Variants in ACBD6 observed in about 807,000 individuals in gnomAD.
The protein encoded by ACBD6 is acyl-CoA-binding domain-containing protein 6.
In ACBD6, 28 loss-of-function variants were observed where a neutral mutation model predicts 37.2. The ratio of observed to expected loss-of-function variants is 0.75; its 90% CI spans 0.56 to 1.03. The LOEUF (loss-of-function observed/expected upper bound fraction) is 1.03, where lower values mean the gene tolerates loss of function less well. Ranked by LOEUF, ACBD6 falls within the 50% of genes least tolerant of loss-of-function variation. The pLI, the probability that ACBD6 is intolerant of heterozygous loss-of-function variation, is 0.00. For missense variants in ACBD6, 340 were observed against 337.4 expected (o/e 1.01, Z -0.06); for synonymous variants, 113 against 126.8 (o/e 0.89, Z 0.73).
intron 6 of ACBD6, among the ~76,000 whole-genome samples, chr1:180,359,499 C>T (rs965763356): frequency 6.6e-6 from 1 of 151,798 alleles, no homozygotes; most frequent in Non-Finnish European, 1.5e-5. Flanking sequence ...ATATAAGATG[C>T]CTGTATTATT....
Position 180,442,330 on chromosome 1 carries a change from T to C in ACBD6, c.385-12068A>G, listed in dbSNP as rs137997797. Among the ~76,000 whole-genome samples, 1,319 of 152,212 alleles carry C rather than the reference T, an allele frequency of 8.7e-3. 15 individuals are homozygous for C. The highest frequency in any genetic ancestry group is 0.028 in the African/African-American group (1,169 of 41,516). On this transcript the variant is annotated intron_variant, in intron 3 of 7. Transcript: ENST00000367595. ...CCTCTCCATCCACAGATATTTGGCATGTCTGGGGCAATTTTTTAGCTGTCA... is the reference window on the plus strand; with the variant it reads ...CCTCTCCATCCACAGATATTTGGCACGTCTGGGGCAATTTTTTAGCTGTCA...
At chr1:180,401,865 T>C (rs546245280) in intron 5 of ACBD6, among the ~76,000 whole-genome samples, 1 of 151,972 alleles carries the variant, frequency 6.6e-6, no homozygotes, top group African/African-American at 2.4e-5. Context: ...AGTCTTGATG[T>C]TCTTATGATA....
At chr1:180,444,427 T>C (rs1649402433) in intron 3 of ACBD6, among the ~76,000 whole-genome samples, 1 of 151,370 alleles carries the variant, frequency 6.6e-6, no homozygotes, top group African/African-American at 2.5e-5. Context: ...CAAATACACA[T>C]GTTAGAATAC....
At chr1:180,371,719 A>G (rs1223901820) in intron 6 of ACBD6, among the ~76,000 whole-genome samples, 1 of 152,192 alleles carries the variant, frequency 6.6e-6, no homozygotes, top group Non-Finnish European at 1.5e-5. Context: ...AATGATTCAT[A>G]GAGAAGAAAA....
chr1:180,282,349 A>C (rs1370570551), intron 8 of ACBD6, among the ~76,000 whole-genome samples: 1 of 152,104 alleles, frequency 6.6e-6, no homozygotes, highest in Non-Finnish European at 1.5e-5. Context: ...TAAAATATAG[A>C]CCCAAAAAAG....
At chr1:180,470,236 CAA>C (rs1650506696) in intron 3 of ACBD6, among the ~76,000 whole-genome samples, 1 of 151,980 alleles carries the variant, frequency 6.6e-6, no homozygotes, top group African/African-American at 2.4e-5. Flanking sequence ...GACATAAAAT[CAA>C]AGACACCCAA....
At chr1:180,386,486 A>G (rs1653848262) in intron 6 of ACBD6, among the ~76,000 whole-genome samples, 1 of 152,062 alleles carries the variant, frequency 6.6e-6, no homozygotes, top group Non-Finnish European at 1.5e-5. Context: ...GGAAGTTTTC[A>G]GCCAGTAACT....
At chr1:180,385,729 C>A (rs563396657) in intron 6 of ACBD6, among the ~76,000 whole-genome samples, 1 of 152,156 alleles carries the variant, frequency 6.6e-6, no homozygotes, top group South Asian at 2.1e-4. Context: ...AGAGGCCTCA[C>A]CAGAAATCAA....
At chr1:180,333,417 G>C (rs1297075082) in intron 6 of ACBD6, among the ~76,000 whole-genome samples, 1 of 152,084 alleles carries the variant, frequency 6.6e-6, no homozygotes, top group Admixed American at 6.5e-5. Context: ...GTATGAAAAA[G>C]GCAAATAATG....
intron 3 of ACBD6, among the ~76,000 whole-genome samples, chr1:180,484,808 T>C (rs1571569892): frequency 1.3e-5 from 2 of 151,922 alleles, no homozygotes; most frequent in Non-Finnish European, 1.5e-5. Context: ...GCTCACACCT[T>C]TAATCCCAGC....
chr1:180,483,431 T>C (rs976039353), intron 3 of ACBD6, among the ~76,000 whole-genome samples: 2 of 152,148 alleles, frequency 1.3e-5, no homozygotes, highest in Non-Finnish European at 2.9e-5. Flanking sequence ...TTTACTATAA[T>C]ATTTACTTTA....
At chr1:180,290,754 C>T (rs1425628502) in intron 7 of ACBD6, among the ~76,000 whole-genome samples, 5 of 152,312 alleles carry the variant, frequency 3.3e-5, no homozygotes, top group African/African-American at 1.2e-4. Flanking sequence ...TGCGAAAATA[C>T]CACTAGGAGA....
At chr1:180,316,438 A>G (rs2764435) in intron 6 of ACBD6, among the ~76,000 whole-genome samples, 18,371 of 151,948 alleles carry the variant, frequency 0.12, 1,749 homozygotes, top group African/African-American at 0.27. Context: ...ATTTCAGAAA[A>G]AGCTTAATCT....
rs533726378 is a variant in ACBD6 at position 180,296,512 on chromosome 1, C to T, written c.695-7995G>A. ...TGTTGCGATCTTGGCTCCCTGCAAC[C>T]TTTGCCTCCTGGGCTCAAGCGATTC... On this transcript the variant is annotated intron_variant, in intron 7 of 7. Transcript: ENST00000367595. Among the ~76,000 whole-genome samples the T allele has an allele frequency of 7.9e-5, 12 of 152,268 alleles. No homozygotes were observed. The East Asian group carries it at 2.1e-3, about 27-fold the overall frequency.
intron 5 of ACBD6, among the ~76,000 whole-genome samples, chr1:180,403,063 CTGAA>C (rs1647445949): frequency 6.6e-6 from 1 of 152,080 alleles, no homozygotes; most frequent in East Asian, 1.9e-4. Flanking sequence ...AAACATTATG[CTGAA>C]TGAAAGATGC....
chr1:180,345,256 A>G (rs1441255893), intron 6 of ACBD6, among the ~76,000 whole-genome samples: 2 of 152,222 alleles, frequency 1.3e-5, no homozygotes, highest in Non-Finnish European at 2.9e-5. Context: ...GTGAATGACC[A>G]GAAGTAAAAA....
At chr1:180,284,916 C>T (rs1649430017), downstream of ACBD6, among the ~76,000 whole-genome samples, 1 of 152,042 alleles carries the variant, frequency 6.6e-6, no homozygotes, top group East Asian at 1.9e-4. Context: ...CTTTGGGAGG[C>T]CAATGCGGGC....
intron 6 of ACBD6, among the ~76,000 whole-genome samples, chr1:180,387,098 T>C (rs1653873441): frequency 6.6e-6 from 1 of 152,234 alleles, no homozygotes; most frequent in African/African-American, 2.4e-5. Flanking sequence ...AATAATTTCA[T>C]TTTCAGAGCC....
intron 1 of ACBD6, among the ~76,000 whole-genome samples, chr1:180,501,212 A>G (rs533497476): frequency 6.6e-6 from 1 of 152,348 alleles, no homozygotes; most frequent in South Asian, 2.1e-4. Flanking sequence ...TGGTGTTCAT[A>G]GCTCTAAAAT....
Sources: gnomAD v4.1 joint callset for allele counts (sites outside exome capture counted in the v4.1 genomes callset) on GRCh38, gnomAD v4.1.1 for gene constraint, MANE v1.5 for transcripts, NCBI Gene and HGNC (gene_info 2026-07-23, HGNC 2026-07-21) for gene names.